PCDH9: variants seen among roughly 807,000 people sequenced by gnomAD.
PCDH9 encodes protocadherin-9.
Under a neutral mutation model 70.6 loss-of-function variants are expected in PCDH9, and 24 were observed. That is an observed-to-expected ratio of 0.34 (90% CI 0.25 to 0.48). The LOEUF (loss-of-function observed/expected upper bound fraction) is 0.48. Among genes scored for constraint, PCDH9 ranks in the 20% least tolerant of loss-of-function variants. PCDH9 has a pLI of 0.99. For synonymous variants in PCDH9, 562 were observed against 558.5 expected (o/e 1.01, Z -0.09); for missense variants, 1,281 against 1,503.6 (o/e 0.85, Z 2.45).
chr13:66,692,585 G>A (rs1325741114), intron 3 of PCDH9, among the ~76,000 whole-genome samples: 2 of 151,976 alleles, frequency 1.3e-5, no homozygotes, highest in Non-Finnish European at 2.9e-5. Flanking sequence ...CCCATATTAA[G>A]CCATAGCCAT....
At chr13:66,921,658 A>T (rs1474129910) in intron 2 of PCDH9, among the ~76,000 whole-genome samples, 2 of 151,248 alleles carry the variant, frequency 1.3e-5, no homozygotes, top group Non-Finnish European at 3.0e-5. Flanking sequence ...CTGGGAGCAT[A>T]AAAAAAGACT....
chr13:66,480,769 A>G (rs1355279564), intron 4 of PCDH9, among the ~76,000 whole-genome samples: 1 of 152,210 alleles, frequency 6.6e-6, no homozygotes, highest in African/African-American at 2.4e-5. Context: ...TCAAGGATCT[A>G]GAACCAGAAA....
chr13:67,021,464 T>A (rs1223983405), intron 2 of PCDH9, among the ~76,000 whole-genome samples: 1 of 152,252 alleles, frequency 6.6e-6, no homozygotes, highest in Admixed American at 6.5e-5. Context: ...ACTAGAAAAG[T>A]ATCATTGAAA....
rs35496834 is a variant in PCDH9, at chr13:66,512,282, T to TTATATATATATATATATA, written c.3340+118910_3340+118927dup. 1.4e-3 allele frequency among the ~76,000 whole-genome samples: 203 copies of TTATATATATATATATATA among 144,402 alleles called. 5 individuals carry two copies. The East Asian group carries it at 0.035, about 25-fold the overall frequency. The allele number at this position is 144,402 out of a possible 152,430, so 94.7% of individuals were successfully genotyped here. On this transcript the variant is annotated intron_variant, in intron 4 of 4. Transcript: ENST00000377865. ...AAAATATATACAGATACCTTAGGAA[T>TTATATATATATATATATA]TATATATATATATATATATATACAC...
chr13:66,813,850 G>C (rs2080555145), intron 3 of PCDH9, among the ~76,000 whole-genome samples: 1 of 152,032 alleles, frequency 6.6e-6, no homozygotes, highest in South Asian at 2.1e-4. Flanking sequence ...AATAACCTAG[G>C]CTTTTTAGAT....
At chr13:66,978,474 A>G (rs1416805741) in intron 2 of PCDH9, 1 of 151,984 alleles carries the variant, frequency 6.6e-6, no homozygotes, top group Non-Finnish European at 1.5e-5. Context: ...TCTTAAAGGT[A>G]CCTATTGTGC....
At chr13:66,666,426 T>TG (rs1464319771) in intron 3 of PCDH9, among the ~76,000 whole-genome samples, 1 of 101,952 alleles carries the variant, frequency 9.8e-6, no homozygotes, top group East Asian at 2.5e-4. Flanking sequence ...TGATGTTCTG[T>TG]GTTTTTTTTT....
chr13:66,800,625 C>T (rs1199158753), intron 3 of PCDH9, among the ~76,000 whole-genome samples: 1 of 152,068 alleles, frequency 6.6e-6, no homozygotes, highest in African/African-American at 2.4e-5. Context: ...AAGTACTTTG[C>T]TAATCTAAAA....
chr13:66,815,549 A>T (rs2080586747), intron 3 of PCDH9, among the ~76,000 whole-genome samples: 1 of 152,226 alleles, frequency 6.6e-6, no homozygotes, highest in Admixed American at 6.5e-5. Context: ...AGACTGAGTA[A>T]AGAAAATGTG....
At chr13:67,105,991 G>C (rs2086533806) in intron 2 of PCDH9, among the ~76,000 whole-genome samples, 1 of 151,814 alleles carries the variant, frequency 6.6e-6, no homozygotes, top group Admixed American at 6.6e-5. Flanking sequence ...GGGACTCTAA[G>C]TCAGCTAGAA....
chr13:66,322,543 C>T (rs568276565), intron 4 of PCDH9, among the ~76,000 whole-genome samples: 56 of 152,130 alleles, frequency 3.7e-4, no homozygotes, highest in Middle Eastern at 6.8e-3. Context: ...TTTCTCAAAC[C>T]ATCTGCTTCC....
At chr13:66,691,140 C>T (rs1276724901) in intron 3 of PCDH9, among the ~76,000 whole-genome samples, 3 of 152,016 alleles carry the variant, frequency 2.0e-5, no homozygotes, top group East Asian at 1.9e-4. Flanking sequence ...CAGGTTCAAG[C>T]GATCCTCCCA....
At chr13:67,075,694 A>G (rs1016162665) in intron 2 of PCDH9, among the ~76,000 whole-genome samples, 10 of 152,276 alleles carry the variant, frequency 6.6e-5, no homozygotes, top group African/African-American at 2.2e-4. Flanking sequence ...ACTTCAGATG[A>G]AAACTGCCAC....
chr13:66,549,002 A>G (rs1803064948), intron 4 of PCDH9, among the ~76,000 whole-genome samples: 1 of 152,112 alleles, frequency 6.6e-6, no homozygotes, highest in Admixed American at 6.5e-5. Context: ...TAATTCAAGG[A>G]AAACCATACC....
chr13:66,415,183 A>G (rs1957440874), intron 4 of PCDH9, among the ~76,000 whole-genome samples: 1 of 152,206 alleles, frequency 6.6e-6, no homozygotes, highest in Non-Finnish European at 1.5e-5. Context: ...AATCTTAAAT[A>G]TTAAACCAAA....
chr13:66,569,228 G>A (rs1593697281), intron 4 of PCDH9, among the ~76,000 whole-genome samples: 1 of 151,694 alleles, frequency 6.6e-6, no homozygotes, highest in Non-Finnish European at 1.5e-5. Context: ...ATGTTGGCCA[G>A]GCTTGTCTCA....
intron 4 of PCDH9, among the ~76,000 whole-genome samples, chr13:66,440,682 A>C (rs1211110877): frequency 6.6e-6 from 1 of 152,162 alleles, no homozygotes; most frequent in Non-Finnish European, 1.5e-5. Context: ...GGTCTTCTAC[A>C]ACCTGAGTAA....
At chr13:66,785,451 C>T (rs142302746) in intron 3 of PCDH9, among the ~76,000 whole-genome samples, 28 of 151,554 alleles carry the variant, frequency 1.8e-4, no homozygotes, top group Admixed American at 9.2e-4. Context: ...ATTTTACTGA[C>T]GATAATTTTG....
chr13:67,090,985 T>C (rs1202957275), intron 2 of PCDH9, among the ~76,000 whole-genome samples: 1 of 152,092 alleles, frequency 6.6e-6, no homozygotes, highest in African/African-American at 2.4e-5. Context: ...AGAGAGACTG[T>C]AGATCTCAAA....
Sources: allele counts gnomAD v4.1 joint callset (sites outside exome capture counted in the v4.1 genomes callset), GRCh38; gene constraint gnomAD v4.1.1; transcripts MANE v1.5; gene names NCBI Gene and HGNC (gene_info 2026-07-23, HGNC 2026-07-21).